The following RAD9B variants were observed in gnomAD, a reference collection of about 807,000 sequenced individuals.
RAD9B encodes cell cycle checkpoint control protein RAD9B.
In RAD9B, 41 loss-of-function variants were observed where a neutral mutation model predicts 48.3. The observed-to-expected ratio is 0.85, with a 90% CI of 0.66 to 1.10. The LOEUF (loss-of-function observed/expected upper bound fraction) is 1.10, where lower values mean the gene tolerates loss of function less well. RAD9B is among the 50% of genes least tolerant of loss of function. The pLI is 0.00. For synonymous variants in RAD9B, 160 were observed against 157.9 expected (o/e 1.01, Z -0.10); for missense variants, 444 against 485.1 (o/e 0.92, Z 0.80).
intron 4 of RAD9B, among the ~76,000 whole-genome samples, chr12:110,510,272 AT>A (rs1229066242): frequency 6.6e-6 from 1 of 152,134 alleles, no homozygotes; most frequent in African/African-American, 2.4e-5. Flanking sequence ...GTGAAGACAG[AT>A]TTTTGTCTGA....
At position 110,530,533 on chromosome 12, in the gene RAD9B, C is replaced by G; in HGVS notation, c.1134C>G (p.Cys378Trp). ...TCCTTTTTTCCCTCCAGTTTTCTTG[C>G]ATGTTCTTTGGAGCAGTTTCTTCTG... ...PGSLCLRKFS[C>W]MFFGAVSSDQ... is the part of the protein sequence containing the mutation. Residue 378 changes from cysteine to tryptophan, a missense_variant, in exon 11 of 11, where the codon TGC becomes TGG. Cys to Trp is a radical substitution (Grantham distance 215). Coordinates refer to ENST00000409300, the MANE Select transcript of RAD9B (RefSeq NM_001286535.2). 6.2e-7 allele frequency: 1 copy of G among 1,613,642 alleles called. No homozygotes were observed. Among genetic ancestry groups the G allele is most frequent in the Non-Finnish European group, 8.5e-7 (1 of 1,179,784 alleles).
intron 10 of RAD9B, among the ~76,000 whole-genome samples, chr12:110,528,689 A>C (rs148470425): frequency 1.3e-5 from 2 of 152,328 alleles, no homozygotes; most frequent in African/African-American, 4.8e-5. Context: ...GTTGACCATA[A>C]GTTTCTGTGA....
rs764051192 is a variant in RAD9B, at chr12:110,522,452, C to T, written c.1125+41C>T. ...TTCAACCACATCTCAGTCAAGAATT[C>T]TCATCTGTCTCCCTTTGCAGTCTTC... On this transcript the variant is annotated intron_variant, in intron 10 of 10. Coordinates refer to ENST00000409300, the MANE Select transcript of RAD9B (RefSeq NM_001286535.2). 4.4e-6 allele frequency: 6 copies of T among 1,371,726 alleles called. No individual in the cohort carries two copies. In the East Asian group the frequency reaches 9.8e-5, roughly 22 times the overall value. The allele number at this position is 1,371,726 out of a possible 1,614,324, so 85.0% of individuals were successfully genotyped here.
chr12:110,527,009 G>A (rs1194421356), intron 10 of RAD9B, among the ~76,000 whole-genome samples: 1 of 152,088 alleles, frequency 6.6e-6, no homozygotes, highest in Non-Finnish European at 1.5e-5. Context: ...AAATTTAGTG[G>A]CTTGAAACAA....
intron 10 of RAD9B, among the ~76,000 whole-genome samples, chr12:110,525,063 G>A (rs946847166): frequency 2.0e-5 from 3 of 152,022 alleles, no homozygotes; most frequent in African/African-American, 7.2e-5. Context: ...CTGGTTCACT[G>A]CAACCTCCAC....
chr12:110,532,995 C>T lies in RAD9B; in HGVS notation c.*2342C>T, dbSNP rs80173715. The stretch of plus-strand genomic sequence containing the variant: ...TTTTGTAGCTTCCCTCTATACTATA[C>T]GGAAGGTGCAAAGCCTCAGCTGGGA... On this transcript the variant is annotated 3_prime_UTR_variant, in exon 11 of 11. Coordinates refer to ENST00000409300, the MANE Select transcript of RAD9B (RefSeq NM_001286535.2). Among the ~76,000 whole-genome samples, 1,050 of 152,250 alleles carry T rather than the reference C, an allele frequency of 6.9e-3. 1 individual carries two copies. The highest frequency in any genetic ancestry group is 9.4e-3 in the Non-Finnish European group (642 of 68,018).
intron 4 of RAD9B, chr12:110,511,487 A>G (rs533780320): frequency 2.0e-5 from 9 of 453,928 alleles, no homozygotes; most frequent in Non-Finnish European, 4.0e-5. Context: ...ATGGAAAGTC[A>G]AGTATTGCAT....
At position 110,530,622 on chromosome 12, in the gene RAD9B, A is replaced by G. The variant is rs759849910; in HGVS notation, c.1223A>G (p.Asp408Gly). 115 of 1,613,870 alleles carry G rather than the reference A, an allele frequency of 7.1e-5. No individual in the cohort carries two copies. Among genetic ancestry groups the G allele is most frequent in the Non-Finnish European group, 9.0e-5 (106 of 1,179,854 alleles). ...SLARASDSEEDMNNGSFSIF is the reference protein window; with the variant it reads ...SLARASDSEEGMNNGSFSIF Reference sequence around the variant, plus strand: ...GCAAGAGCAAGTGACAGTGAAGAGGACATGAATAATGGCAGTTTCTCTATA... The same window carrying G: ...GCAAGAGCAAGTGACAGTGAAGAGGGCATGAATAATGGCAGTTTCTCTATA... Residue 408 changes from aspartate to glycine, a missense_variant, in exon 11 of 11, where the codon GAC becomes GGC. By Grantham distance (94) the Asp-to-Gly change is moderately conservative (BLOSUM62 -1). Transcript: ENST00000409300.
intron 4 of RAD9B, 62 bp from the exon 5 acceptor site, chr12:110,512,717 A>C: frequency 1.4e-6 from 1 of 726,206 alleles, no homozygotes; most frequent in Non-Finnish European, 2.3e-6. Context: ...AAACTTAAAG[A>C]CTTCTTTAAT....
chr12:110,528,335 T>C (rs2064010922), intron 10 of RAD9B, among the ~76,000 whole-genome samples: 1 of 152,124 alleles, frequency 6.6e-6, no homozygotes, highest in Non-Finnish European at 1.5e-5. Context: ...GAAAAAGGTA[T>C]CCAGGGAGGT....
chr12:110,507,048 C>G (rs1264021040), intron 4 of RAD9B, among the ~76,000 whole-genome samples: 1 of 151,958 alleles, frequency 6.6e-6, no homozygotes, highest in Non-Finnish European at 1.5e-5. Context: ...CCGTGTTGGC[C>G]AGGCTGATCT....
chr12:110,512,499 T>C (rs2063490001), intron 4 of RAD9B, among the ~76,000 whole-genome samples: 1 of 152,142 alleles, frequency 6.6e-6, no homozygotes, highest in Non-Finnish European at 1.5e-5. Flanking sequence ...AAAAATATAT[T>C]AACAAAAGAA....
chr12:110,529,138 A>C (rs563674287), intron 10 of RAD9B, among the ~76,000 whole-genome samples: 1 of 151,944 alleles, frequency 6.6e-6, no homozygotes, highest in East Asian at 2.0e-4. Context: ...AAATGGGATG[A>C]GGTTAGGCTA....
chr12:110,530,684 C>T lies in RAD9B; in HGVS notation c.*31C>T. The T allele has an allele frequency of 3.1e-6, 5 of 1,611,784 alleles. No individual in the cohort carries two copies. The highest frequency in any genetic ancestry group is 4.2e-6 in the Non-Finnish European group (5 of 1,178,584). On this transcript the variant is annotated 3_prime_UTR_variant, in exon 11 of 11. Coordinates refer to ENST00000409300, the MANE Select transcript of RAD9B (RefSeq NM_001286535.2). ...AATGATGGCTGAGCTGGGCCCCAGC[C>T]CAGTGACTGGCTCATTTGCCCCTCA...
In RAD9B at chr12:110,531,317, C is replaced by T. The variant is rs191917920; in HGVS notation, c.*664C>T. The T allele has an allele frequency of 1.9e-5, 8 of 420,704 alleles. No individual in the cohort carries two copies. Among genetic ancestry groups the T allele is most frequent in the East Asian group, 9.2e-5 (1 of 10,812 alleles). 26.1% of individuals were successfully genotyped at this position (420,704 alleles called of 1,614,324 possible). A position where few individuals can be genotyped will look rare whatever the true frequency, so the allele number is the denominator to read the frequency against. On this transcript the variant is annotated 3_prime_UTR_variant, in exon 11 of 11. Transcript: ENST00000409300. Reference sequence around the variant, plus strand: ...AAGCGATTCTCCTGCCTCAGCCTCCCGTGCAGCTGGGATTGCAGGTGCGTG... The same window carrying T: ...AAGCGATTCTCCTGCCTCAGCCTCCTGTGCAGCTGGGATTGCAGGTGCGTG...
In RAD9B at chr12:110,532,627, T is replaced by G. The variant is rs1311678373; in HGVS notation, c.*1974T>G. Among the ~76,000 whole-genome samples the G allele has an allele frequency of 6.6e-6, 1 of 152,202 alleles. No homozygotes were observed. Among genetic ancestry groups the G allele is most frequent in the Admixed American group, 6.5e-5 (1 of 15,278 alleles). On this transcript the variant is annotated 3_prime_UTR_variant, in exon 11 of 11. Coordinates refer to ENST00000409300, the MANE Select transcript of RAD9B (RefSeq NM_001286535.2). ...CAGTCATGTGCTGCATAACAACGTT[T>G]TGGTCAACGATGGACTGCACAGACA...
rs777137823 is a variant in RAD9B, at chr12:110,530,481, C to CT, written c.1126-41dup. 7 of 1,603,512 alleles carry CT rather than the reference C, an allele frequency of 4.4e-6. No homozygotes were observed. In the African/African-American group the frequency reaches 8.1e-5, roughly 18 times the overall value. On this transcript the variant is annotated intron_variant, in intron 10 of 10. Coordinates refer to ENST00000409300, the MANE Select transcript of RAD9B (RefSeq NM_001286535.2). The stretch of plus-strand genomic sequence containing the variant: ...TCACCTGGAGCATTTAATGAGCAAA[C>CT]TTTCTCTTTGGAATCAACAATGCAG...
chr12:110,514,868 T>A (rs1021198366), intron 5 of RAD9B, among the ~76,000 whole-genome samples, 182 bp from the exon 6 acceptor site: 7 of 152,248 alleles, frequency 4.6e-5, no homozygotes, highest in South Asian at 2.1e-4. Context: ...GTTATAATTT[T>A]AAAATATGCT....
Position 110,513,729 on chromosome 12 carries a change from TATTA to T in RAD9B, c.488+852_488+855del, listed in dbSNP as rs2063530454. ...TTATTATTATTATTATTATTATTAT[TATTA>T]TTATTTTTGAGACAGAGTCTCCCTC... On this transcript the variant is annotated intron_variant, in intron 5 of 10. Coordinates refer to ENST00000409300, the MANE Select transcript of RAD9B (RefSeq NM_001286535.2). Among the ~76,000 whole-genome samples, 25 of 143,080 alleles carry T rather than the reference TATTA, an allele frequency of 1.7e-4. No homozygotes were observed. In the South Asian group the frequency reaches 3.8e-3, roughly 21 times the overall value. 93.9% of individuals were successfully genotyped at this position (143,080 alleles called of 152,430 possible). A position where few individuals can be genotyped will look rare whatever the true frequency, so the allele number is the denominator to read the frequency against.
Sources: gnomAD v4.1 joint callset for allele counts (sites outside exome capture counted in the v4.1 genomes callset) on GRCh38, gnomAD v4.1.1 for gene constraint, MANE v1.5 for transcripts, NCBI Gene and HGNC (gene_info 2026-07-23, HGNC 2026-07-21) for gene names.